ANK3: variants seen among roughly 807,000 people sequenced by gnomAD.
ANK3 encodes ankyrin-3.
Under a neutral mutation model 370.9 loss-of-function variants are expected in ANK3, and 57 were observed. That is an observed-to-expected ratio of 0.15 (90% CI 0.12 to 0.19). The LOEUF (loss-of-function observed/expected upper bound fraction) is 0.19. Ranked by LOEUF, ANK3 falls within the 10% of genes least tolerant of loss-of-function variation. ANK3 has a pLI of 1.00. For missense variants in ANK3, 4,439 were observed against 5,302.1 expected (o/e 0.84, Z 5.06); for synonymous variants, 1,929 against 1,946.3 (o/e 0.99, Z 0.23).
rs1480238787 is a variant in ANK3 at position 60,042,694 on chromosome 10, C to T, written c.13131G>A (p.Ser4377=). The T allele has an allele frequency of 1.4e-5, 22 of 1,613,724 alleles. No homozygotes were observed. The highest frequency in any genetic ancestry group is 1.0e-4 in the Admixed American group (6 of 59,996). The part of the protein sequence containing the change: ...EIRHVEKKSH[S] ...CACCTTGACTGACCGTTCGCTGTTA[C>T]GAGTGGCTCTTCTTTTCCACATGCC... The change falls in exon 43 of 44, where the codon TCG becomes TCA. Residue 4377 remains serine (S), a synonymous_variant. Coordinates refer to ENST00000280772, the MANE Select transcript of ANK3 (RefSeq NM_020987.5).
intron 7 of ANK3, among the ~76,000 whole-genome samples, chr10:60,257,786 A>G (rs1221030725): frequency 6.6e-6 from 1 of 152,200 alleles, no homozygotes; most frequent in Admixed American, 6.5e-5. Flanking sequence ...ATCTTTTTGG[A>G]AACAAATGAG....
At chr10:60,492,141 C>A (rs2075523658) in intron 2 of ANK3, among the ~76,000 whole-genome samples, 1 of 152,124 alleles carries the variant, frequency 6.6e-6, no homozygotes, top group Non-Finnish European at 1.5e-5. Context: ...CACCATATAG[C>A]CTGGATGTGC....
intron 17 of ANK3, among the ~76,000 whole-genome samples, chr10:60,183,617 G>C (rs1387571218): frequency 6.6e-6 from 1 of 152,068 alleles, no homozygotes; most frequent in Non-Finnish European, 1.5e-5. Context: ...CCAGCACTTT[G>C]GGAGGCCAAG....
At chr10:60,107,355 G>A (rs2092296551) in intron 27 of ANK3, among the ~76,000 whole-genome samples, 2 of 152,086 alleles carry the variant, frequency 1.3e-5, no homozygotes, top group African/African-American at 4.8e-5. Flanking sequence ...AGGTTAATAT[G>A]TCAGATACTG....
At position 60,411,204 on chromosome 10, in the gene ANK3, A is replaced by G. The variant is rs141085986; in HGVS notation, c.97-131565T>C. On this transcript the variant is annotated intron_variant, in intron 2 of 43. Coordinates refer to the ANK3 transcript ENST00000373827. Reference sequence around the variant, plus strand: ...AGATTTGGAGGTTGTTTGTTTTAGCAGTTAGGTTACACTGACTCACAGAAT... The same window carrying G: ...AGATTTGGAGGTTGTTTGTTTTAGCGGTTAGGTTACACTGACTCACAGAAT... Among the ~76,000 whole-genome samples, 790 of 152,336 alleles carry G rather than the reference A, an allele frequency of 5.2e-3. 4 individuals are homozygous for G. Among genetic ancestry groups the G allele is most frequent in the South Asian group, 0.011 (54 of 4,828 alleles).
In ANK3 at chr10:60,075,807, C is replaced by T. The variant is rs759934758; in HGVS notation, c.5074G>A (p.Ala1692Thr). The T allele has an allele frequency of 3.1e-6, 5 of 1,614,030 alleles. No individual in the cohort carries two copies. In the African/African-American group the frequency reaches 6.7e-5, roughly 22 times the overall value. ...VKSAVDVISS[A>T]KITMASSLSS... ...AGAGAAGATGCCATTGTAATTTTGG[C>T]TGATGAAATGACATCAACTGCTGAT... is the stretch of plus-strand genomic sequence containing the variant. The change falls in exon 37 of 44, where the codon GCC becomes ACC. Residue 1692 changes from alanine (A) to threonine (T), a missense_variant. Transcript: ENST00000280772.
chr10:60,142,434 G>T (rs2094610570), intron 23 of ANK3, among the ~76,000 whole-genome samples: 1 of 152,104 alleles, frequency 6.6e-6, no homozygotes, highest in Admixed American at 6.6e-5. Flanking sequence ...TAAGTTAGGA[G>T]CCATATTCTT....
intron 2 of ANK3, among the ~76,000 whole-genome samples, chr10:60,458,594 G>A (rs1699362826): frequency 6.6e-6 from 1 of 152,152 alleles, no homozygotes; most frequent in Admixed American, 6.6e-5. Flanking sequence ...GGGAGCAGAA[G>A]AGATGAAAAC....
chr10:60,163,097 TTCTC>T (rs1196854292), intron 23 of ANK3, among the ~76,000 whole-genome samples: 1 of 152,122 alleles, frequency 6.6e-6, no homozygotes, highest in Non-Finnish European at 1.5e-5. Context: ...TTTCTCTCCT[TTCTC>T]TTTCTTCTTC....
At chr10:60,207,723 A>G (rs560448182) in intron 10 of ANK3, among the ~76,000 whole-genome samples, 2 of 152,330 alleles carry the variant, frequency 1.3e-5, no homozygotes, top group African/African-American at 4.8e-5. Context: ...TTTAATTCAC[A>G]GAATTATAAG....
intron 40 of ANK3, chr10:60,062,036 T>G (rs1589419223): frequency 6.6e-6 from 1 of 152,072 alleles, no homozygotes; most frequent in Non-Finnish European, 1.5e-5. Flanking sequence ...GAGGCAGAGG[T>G]GGGTGGATCA....
intron 8 of ANK3, among the ~76,000 whole-genome samples, chr10:60,221,608 G>C (rs1050686591): frequency 6.6e-6 from 1 of 152,098 alleles, no homozygotes; most frequent in Non-Finnish European, 1.5e-5. Context: ...CTCATGATTA[G>C]TGCTATAAGA....
chr10:60,129,339 C>T, intron 25 of ANK3, among the ~76,000 whole-genome samples: 1 of 152,134 alleles, frequency 6.6e-6, no homozygotes, highest in East Asian at 1.9e-4. Flanking sequence ...CATTGGGCAC[C>T]CCCAGTTAAG....
chr10:60,201,739 T>A (rs1413092752), intron 12 of ANK3, among the ~76,000 whole-genome samples: 1 of 147,388 alleles, frequency 6.8e-6, no homozygotes, highest in African/African-American at 2.5e-5. Flanking sequence ...TGAGACAGAG[T>A]CTCACTCTGT....
intron 2 of ANK3, among the ~76,000 whole-genome samples, chr10:60,419,184 A>G (rs2063729549): frequency 6.6e-6 from 1 of 152,180 alleles, no homozygotes; most frequent in Non-Finnish European, 1.5e-5. Flanking sequence ...ATCCATTGGA[A>G]AGAGATGAAT....
intron 2 of ANK3, among the ~76,000 whole-genome samples, chr10:60,576,370 A>G (rs2133273699): frequency 1.3e-5 from 2 of 152,344 alleles, no homozygotes; most frequent in Middle Eastern, 6.8e-3. Context: ...GAACAGATCT[A>G]TTTTTAAAAC....
intron 2 of ANK3, among the ~76,000 whole-genome samples, chr10:60,475,722 CCTACTGGTATAT>C (rs1177697164): frequency 6.6e-6 from 1 of 152,150 alleles, no homozygotes; most frequent in African/African-American, 2.4e-5. Flanking sequence ...ATTCCCACTA[CCTACTGGTATAT>C]CTTCACTAAC....
intron 2 of ANK3, among the ~76,000 whole-genome samples, chr10:60,593,631 T>G (rs939756115): frequency 1.3e-5 from 2 of 152,166 alleles, no homozygotes; most frequent in Admixed American, 1.3e-4. Context: ...TTTATTCATC[T>G]CCTTTAGGGC....
chr10:60,325,648 AT>A (rs2049666825), intron 1 of ANK3, among the ~76,000 whole-genome samples: 1 of 152,250 alleles, frequency 6.6e-6, no homozygotes, highest in Admixed American at 6.5e-5. Flanking sequence ...CTTTCAGAAA[AT>A]TATCCTTTGT....
Sources: gnomAD v4.1 joint callset for allele counts (sites outside exome capture counted in the v4.1 genomes callset) on GRCh38, gnomAD v4.1.1 for gene constraint, MANE v1.5 for transcripts, NCBI Gene and HGNC (gene_info 2026-07-23, HGNC 2026-07-21) for gene names.